Variants in SEMA6A observed in about 807,000 individuals in gnomAD.
SEMA6A encodes semaphorin-6A.
In SEMA6A, 25 loss-of-function variants were observed where a neutral mutation model predicts 96.8. That is an observed-to-expected ratio of 0.26 (90% CI 0.19 to 0.36). The LOEUF is 0.36. Among genes scored for constraint, SEMA6A ranks in the 10% least tolerant of loss-of-function variants. The pLI, the probability that SEMA6A is intolerant of heterozygous loss-of-function variation, is 1.00. For missense variants in SEMA6A, 1,363 were observed against 1,323.1 expected, an observed-to-expected ratio of 1.03 and a Z score of -0.47; for synonymous variants, 612 against 518.0, an observed-to-expected ratio of 1.18 and a Z score of -2.46.
At chr5:116,524,623 A>C (rs925373069) in intron 1 of SEMA6A, among the ~76,000 whole-genome samples, 4 of 152,008 alleles carry the variant, frequency 2.6e-5, no homozygotes, top group African/African-American at 9.7e-5. Context: ...AAAATCATGA[A>C]CAGTCACCAC....
chr5:116,471,620 T>C (rs567818657), intron 17 of SEMA6A: 17 of 152,316 alleles, frequency 1.1e-4, no homozygotes, highest in African/African-American at 3.6e-4. Flanking sequence ...GTTTCAATCA[T>C]AGATGAGGGA....
intron 18 of SEMA6A, among the ~76,000 whole-genome samples, chr5:116,460,393 T>G (rs1296917689): frequency 6.6e-6 from 1 of 152,200 alleles, no homozygotes; most frequent in East Asian, 1.9e-4. Flanking sequence ...TATCAGAATA[T>G]GGATTATTCT....
intron 7 of SEMA6A, among the ~76,000 whole-genome samples, chr5:116,489,684 A>G (rs1757240959): frequency 6.6e-6 from 1 of 152,244 alleles, no homozygotes; most frequent in African/African-American, 2.4e-5. Flanking sequence ...AAGAAAGGGG[A>G]AGGGGTTACG....
At chr5:116,557,338 A>G (rs1760646126) in intron 1 of SEMA6A, among the ~76,000 whole-genome samples, 1 of 152,208 alleles carries the variant, frequency 6.6e-6, no homozygotes, top group Non-Finnish European at 1.5e-5. Context: ...CAGTCTCCCA[A>G]GTAGCTGGGA....
chr5:116,509,306 C>T (rs1758293610), intron 1 of SEMA6A, among the ~76,000 whole-genome samples: 1 of 152,164 alleles, frequency 6.6e-6, no homozygotes, highest in South Asian at 2.1e-4. Context: ...ATAATAGTGG[C>T]ACTATTTTTC....
At chr5:116,517,856 G>A (rs1469276627) in intron 1 of SEMA6A, among the ~76,000 whole-genome samples, 1 of 152,142 alleles carries the variant, frequency 6.6e-6, no homozygotes, top group Non-Finnish European at 1.5e-5. Flanking sequence ...TGTAGAAAAT[G>A]GACAGACTTC....
intron 1 of SEMA6A, among the ~76,000 whole-genome samples, chr5:116,540,646 A>G: frequency 6.6e-6 from 1 of 152,188 alleles, no homozygotes; most frequent in East Asian, 1.9e-4. Flanking sequence ...GTTTGCTTGT[A>G]ATCAAGCATC....
At chr5:116,564,408 T>A (rs1188972618) in intron 1 of SEMA6A, among the ~76,000 whole-genome samples, 1 of 152,250 alleles carries the variant, frequency 6.6e-6, no homozygotes, top group Non-Finnish European at 1.5e-5. Context: ...GAGATTATTT[T>A]ATGTTTTAAT....
chr5:116,501,342 A>T (rs193088600), intron 3 of SEMA6A, among the ~76,000 whole-genome samples: 30 of 152,316 alleles, frequency 2.0e-4, no homozygotes, highest in Admixed American at 3.3e-4. Context: ...CATGCCATTC[A>T]GCCTTAAGAC....
chr5:116,563,777 T>C (rs528612640), intron 1 of SEMA6A, among the ~76,000 whole-genome samples: 1 of 152,334 alleles, frequency 6.6e-6, no homozygotes, highest in Non-Finnish European at 1.5e-5. Flanking sequence ...TCCATGTCTT[T>C]TGTTGTTGTT....
At chr5:116,457,019 C>T (rs368981962) in intron 18 of SEMA6A, among the ~76,000 whole-genome samples, 6 of 152,246 alleles carry the variant, frequency 3.9e-5, no homozygotes, top group African/African-American at 1.4e-4. Flanking sequence ...AAAGTAAGGT[C>T]CTGCTTTATA....
chr5:116,565,008 T>A (rs1760971618), intron 1 of SEMA6A, among the ~76,000 whole-genome samples: 1 of 152,238 alleles, frequency 6.6e-6, no homozygotes, highest in South Asian at 2.1e-4. Context: ...GGAGCAGAAA[T>A]TTTAAGCAAA....
chr5:116,495,089 T>C (rs550631344), intron 6 of SEMA6A, among the ~76,000 whole-genome samples: 6 of 152,086 alleles, frequency 3.9e-5, no homozygotes, highest in South Asian at 2.1e-4. Context: ...GGTTAGATAG[T>C]GGGGTGGGAG....
rs78757551 is a variant in SEMA6A at position 116,486,408 on chromosome 5, G to A, written c.962+341C>T. 3.1e-3 allele frequency among the ~76,000 whole-genome samples: 475 copies of A among 152,134 alleles called. 3 individuals are homozygous for A. The highest frequency in any genetic ancestry group is 0.011 in the African/African-American group (451 of 41,504). ...CTTAGACCAGGTAGTATAATATGTCGAGCTCACTTTCCTTAAGTGGAAAAA... is the reference window on the plus strand; with the variant it reads ...CTTAGACCAGGTAGTATAATATGTCAAGCTCACTTTCCTTAAGTGGAAAAA... On this transcript the variant is annotated intron_variant, in intron 10 of 18. Transcript: ENST00000343348.
chr5:116,477,794 T>C lies in SEMA6A; in HGVS notation c.1649+52A>G. 5 of 1,563,026 alleles carry C rather than the reference T, an allele frequency of 3.2e-6. No individual in the cohort carries two copies. The South Asian group carries it at 4.4e-5, about 14-fold the overall frequency. On this transcript the variant is annotated intron_variant, in intron 15 of 18. Coordinates refer to ENST00000343348, the MANE Select transcript of SEMA6A (RefSeq NM_020796.5). The stretch of plus-strand genomic sequence containing the variant: ...AGCAGAGCAAATCTTACATCTAGAA[T>C]ACACCTTGGCTGGAAGCCACTTCAC...
chr5:116,511,326 A>G (rs1428252032), intron 1 of SEMA6A, among the ~76,000 whole-genome samples: 1 of 152,310 alleles, frequency 6.6e-6, no homozygotes, highest in African/African-American at 2.4e-5. Context: ...TACAGATGCA[A>G]TTTTTTAAAA....
chr5:116,538,618 ATTTT>A (rs933300858), intron 1 of SEMA6A, among the ~76,000 whole-genome samples: 1 of 152,146 alleles, frequency 6.6e-6, no homozygotes, highest in Non-Finnish European at 1.5e-5. Flanking sequence ...AAAGTTTGAA[ATTTT>A]TTTATCTGTC....
intron 3 of SEMA6A, among the ~76,000 whole-genome samples, chr5:116,497,862 T>G (rs1370941378): frequency 6.6e-6 from 1 of 152,204 alleles, no homozygotes; most frequent in Non-Finnish European, 1.5e-5. Flanking sequence ...ATTTCCATCT[T>G]AACTGTGACT....
chr5:116,537,942 C>T (rs1434847417), intron 1 of SEMA6A, among the ~76,000 whole-genome samples: 5 of 151,986 alleles, frequency 3.3e-5, no homozygotes, highest in African/African-American at 9.7e-5. Flanking sequence ...TTTGGGAGGC[C>T]GAGGCGGGCG....
Sources: allele counts gnomAD v4.1 joint callset (sites outside exome capture counted in the v4.1 genomes callset), GRCh38; gene constraint gnomAD v4.1.1; transcripts MANE v1.5; gene names NCBI Gene and HGNC (gene_info 2026-07-23, HGNC 2026-07-21).